The following INPP5A variants were observed in gnomAD, a reference collection of about 807,000 sequenced individuals.
INPP5A encodes inositol polyphosphate-5-phosphatase A, also known as 43 kDa inositol polyphosphate 5-phophatase.
In INPP5A, 14 loss-of-function variants were observed where a neutral mutation model predicts 65.2. The ratio of observed to expected loss-of-function variants is 0.21; its 90% CI spans 0.14 to 0.34. INPP5A has a LOEUF of 0.34. Among genes scored for constraint, INPP5A ranks in the 10% least tolerant of loss-of-function variants. The pLI is 1.00. For synonymous variants in INPP5A, 207 were observed against 208.3 expected (o/e 0.99, Z 0.05); for missense variants, 431 against 545.6 (o/e 0.79, Z 2.09).
At chr10:132,779,204 G>A (rs1565016282) in intron 13 of INPP5A, among the ~76,000 whole-genome samples, 2 of 152,254 alleles carry the variant, frequency 1.3e-5, no homozygotes, top group Admixed American at 6.5e-5. Flanking sequence ...GCCCAGGAGT[G>A]GGCTCGGCCT....
intron 1 of INPP5A, among the ~76,000 whole-genome samples, chr10:132,606,183 G>A (rs1042674342): frequency 1.3e-5 from 2 of 152,130 alleles, no homozygotes; most frequent in Admixed American, 1.3e-4. Flanking sequence ...ATGGGGACTT[G>A]CTGGTAGGAG....
intron 2 of INPP5A, among the ~76,000 whole-genome samples, chr10:132,623,934 T>A (rs1281203084): frequency 1.3e-5 from 2 of 152,188 alleles, no homozygotes. Context: ...GAAATGCAGA[T>A]TACAGCAACA....
chr10:132,726,377 C>T (rs749961596), intron 8 of INPP5A, among the ~76,000 whole-genome samples: 13 of 152,170 alleles, frequency 8.5e-5, no homozygotes, highest in Non-Finnish European at 1.5e-4. Flanking sequence ...CTCCCGCTGT[C>T]GGTCCCTCCT....
rs1845943473 is a variant in INPP5A, at chr10:132,724,157, C to T, written c.648-2664C>T. ...AAAAGTTGTACTAATTAAAAGCATG[C>T]AGGAATTGATTTTTTAAAAGATCTG... On this transcript the variant is annotated intron_variant, in intron 8 of 15. Coordinates refer to ENST00000368594, the MANE Select transcript of INPP5A (RefSeq NM_005539.5). Among the ~76,000 whole-genome samples, 3 of 152,178 alleles carry T rather than the reference C, an allele frequency of 2.0e-5. No homozygotes were observed. The South Asian group carries it at 6.2e-4, about 32-fold the overall frequency.
intron 8 of INPP5A, among the ~76,000 whole-genome samples, chr10:132,724,784 G>T (rs1003254780): frequency 1.4e-5 from 2 of 139,140 alleles, no homozygotes; most frequent in Non-Finnish European, 3.1e-5. Flanking sequence ...ACAGACGGGG[G>T]TCACTCTCCA....
chr10:132,669,811 G>T (rs1293132381), intron 4 of INPP5A, among the ~76,000 whole-genome samples: 2 of 151,990 alleles, frequency 1.3e-5, no homozygotes, highest in Non-Finnish European at 2.9e-5. Flanking sequence ...TTCTGGAAGG[G>T]CATTGTTCCC....
At position 132,704,138 on chromosome 10, in the gene INPP5A, G is replaced by A. The variant is rs1341437517; in HGVS notation, c.475-4175G>A. Among the ~76,000 whole-genome samples, 1 of 151,992 alleles carries A rather than the reference G, an allele frequency of 6.6e-6. No homozygotes were observed. Among genetic ancestry groups the A allele is most frequent in the Non-Finnish European group, 1.5e-5 (1 of 67,998 alleles). On this transcript the variant is annotated intron_variant, in intron 6 of 15. Coordinates refer to ENST00000368594, the MANE Select transcript of INPP5A (RefSeq NM_005539.5). This position sits in a 1 kb window ranked among gnomAD's most constrained non-coding sequence, Gnocchi z 4.5. ...CATGTCAGGCCCCCCAGTCCCCCCA[G>A]ACAGGAGGTGTCGAGGCACGGAAGA...
intron 2 of INPP5A, among the ~76,000 whole-genome samples, chr10:132,608,158 C>G (rs540815395): frequency 6.6e-6 from 1 of 152,364 alleles, no homozygotes; most frequent in East Asian, 1.9e-4. Flanking sequence ...GCCGGTGAGC[C>G]TGGCCAGATC....
chr10:132,738,958 C>G (rs1337947163), intron 9 of INPP5A, among the ~76,000 whole-genome samples: 1 of 152,322 alleles, frequency 6.6e-6, no homozygotes, highest in Non-Finnish European at 1.5e-5. Context: ...ATAGGGTCCC[C>G]CTTCGGGTCT....
chr10:132,645,564 A>G (rs900111709), intron 2 of INPP5A, among the ~76,000 whole-genome samples: 1 of 152,250 alleles, frequency 6.6e-6, no homozygotes, highest in East Asian at 1.9e-4. Context: ...GTAAACACGC[A>G]TAACATTTTT....
At chr10:132,672,388 G>A (rs2072902259) in intron 4 of INPP5A, among the ~76,000 whole-genome samples, 1 of 151,838 alleles carries the variant, frequency 6.6e-6, no homozygotes, top group South Asian at 2.1e-4. Flanking sequence ...ATTCCCACAT[G>A]TTATGGGAGG....
intron 2 of INPP5A, among the ~76,000 whole-genome samples, chr10:132,626,084 G>A (rs569409059): frequency 1.6e-4 from 24 of 152,082 alleles, no homozygotes; most frequent in African/African-American, 5.6e-4. Flanking sequence ...ATTCCAGAAC[G>A]TCACACGCTG....
intron 4 of INPP5A, among the ~76,000 whole-genome samples, chr10:132,653,471 C>T (rs760495017): frequency 4.6e-5 from 7 of 152,120 alleles, no homozygotes; most frequent in Admixed American, 2.0e-4. Context: ...CAGGCCTGTA[C>T]GAGCTCTGGG....
intron 11 of INPP5A, among the ~76,000 whole-genome samples, chr10:132,758,761 C>G (rs1009186335): frequency 6.6e-6 from 1 of 152,206 alleles, no homozygotes; most frequent in African/African-American, 2.4e-5. Context: ...AGCCTTAGAC[C>G]GTCCTTTGTC....
chr10:132,729,112 C>T (rs916172358), intron 9 of INPP5A, among the ~76,000 whole-genome samples: 2 of 152,070 alleles, frequency 1.3e-5, no homozygotes, highest in Non-Finnish European at 2.9e-5. Flanking sequence ...TCCTGTGGGG[C>T]GTTGGGCAAC....
At chr10:132,780,967 T>C (rs757315452) in intron 14 of INPP5A, 50 bp downstream of exon 14, 3 of 581,898 alleles carry the variant, frequency 5.2e-6, no homozygotes, top group East Asian at 7.1e-5. Flanking sequence ...AAGGGGAAGC[T>C]AGGGGGCCGG....
At chr10:132,767,259 T>A (rs866340256) in intron 12 of INPP5A, among the ~76,000 whole-genome samples, 2 of 4,216 alleles carry the variant, frequency 4.7e-4, no homozygotes, top group Admixed American at 3.8e-3. Context: ...GGAGCTTGGG[T>A]GGGAGCCGGA....
chr10:132,615,944 G>T (rs1259493693), intron 2 of INPP5A, among the ~76,000 whole-genome samples: 1 of 152,218 alleles, frequency 6.6e-6, no homozygotes, highest in Non-Finnish European at 1.5e-5. Context: ...GACCTTCATG[G>T]CCTGGTGGGC....
rs1045990568 is a variant in INPP5A, at chr10:132,782,799, G to A, written c.*770G>A. 11 of 152,166 alleles carry A rather than the reference G, an allele frequency of 7.2e-5. No homozygotes were observed. Among genetic ancestry groups the A allele is most frequent in the African/African-American group, 2.4e-4 (10 of 41,362 alleles). The allele number at this position is 152,166 out of a possible 1,614,324, so 9.4% of individuals were successfully genotyped here. ...TGGCCTCGCCATCGTGGGTAAAATC[G>A]GCCCCACAGCACGTCTGCACCAGCG... On this transcript the variant is annotated 3_prime_UTR_variant, in exon 16 of 16. Coordinates refer to ENST00000368594, the MANE Select transcript of INPP5A (RefSeq NM_005539.5). This position sits in a 1 kb window ranked among gnomAD's most constrained non-coding sequence, Gnocchi z 4.4.
Sources: allele counts gnomAD v4.1 joint callset (sites outside exome capture counted in the v4.1 genomes callset), GRCh38; gene constraint gnomAD v4.1.1; non-coding constraint Gnocchi (gnomAD v3.1); transcripts MANE v1.5; gene names NCBI Gene and HGNC (gene_info 2026-07-23, HGNC 2026-07-21).